The following ERC1 variants were observed in gnomAD, a reference collection of about 807,000 sequenced individuals.
ERC1 encodes RAB6 interacting protein 2.
ERC1 carries 56 observed loss-of-function variants against 132.0 expected under a neutral mutation model. The ratio of observed to expected loss-of-function variants is 0.42; its 90% CI spans 0.34 to 0.53. The LOEUF (loss-of-function observed/expected upper bound fraction) is 0.53. ERC1 is among the 20% of genes least tolerant of loss of function. The pLI, the probability that ERC1 is intolerant of heterozygous loss-of-function variation, is 0.03. For synonymous variants in ERC1, 478 were observed against 476.1 expected, an observed-to-expected ratio of 1.00 and a Z score of -0.05; for missense variants, 1,202 against 1,349.9, an observed-to-expected ratio of 0.89 and a Z score of 1.72.
chr12:1,185,746 T>TA (rs1022893446), intron 11 of ERC1, among the ~76,000 whole-genome samples: 12 of 151,148 alleles, frequency 7.9e-5, no homozygotes, highest in Admixed American at 6.6e-5. Context: ...TTTTTTTTTT[T>TA]AATTTATATT....
At chr12:1,480,518 T>C (rs961308347) in intron 18 of ERC1, among the ~76,000 whole-genome samples, 2 of 152,202 alleles carry the variant, frequency 1.3e-5, no homozygotes, top group African/African-American at 4.8e-5. Flanking sequence ...GAAAATCTCA[T>C]TGGATTACTC....
intron 1 of ERC1, among the ~76,000 whole-genome samples, chr12:1,020,234 A>G: frequency 6.6e-6 from 1 of 152,172 alleles, no homozygotes. Context: ...AGGCAGATGG[A>G]TCGCCTGATA....
At chr12:1,161,208 G>A (rs532520023) in intron 8 of ERC1, among the ~76,000 whole-genome samples, 20 of 152,102 alleles carry the variant, frequency 1.3e-4, no homozygotes, top group Admixed American at 3.9e-4. Context: ...GTTATGATAC[G>A]AATGGTATAC....
chr12:1,248,710 G>A (rs931378517), intron 13 of ERC1, among the ~76,000 whole-genome samples: 6 of 152,190 alleles, frequency 3.9e-5, no homozygotes, highest in African/African-American at 1.4e-4. Flanking sequence ...GATGATTGGA[G>A]TGGGACAAGA....
At chr12:1,227,138 T>C (rs2074642841) in intron 12 of ERC1, among the ~76,000 whole-genome samples, 1 of 152,192 alleles carries the variant, frequency 6.6e-6, no homozygotes, top group Non-Finnish European at 1.5e-5. Flanking sequence ...TTGTTTTTGA[T>C]GTGTAGCAGA....
At chr12:1,015,204 C>G (rs916090983) in intron 1 of ERC1, among the ~76,000 whole-genome samples, 3 of 151,888 alleles carry the variant, frequency 2.0e-5, no homozygotes, top group African/African-American at 4.8e-5. Flanking sequence ...GTACTACAGG[C>G]ACACACCACC....
chr12:1,473,996 AC>A (rs1349595582), intron 18 of ERC1, among the ~76,000 whole-genome samples: 1 of 152,326 alleles, frequency 6.6e-6, no homozygotes, highest in African/African-American at 2.4e-5. Flanking sequence ...AGATGCTCTT[AC>A]GGCAAAATAC....
At chr12:1,211,438 G>A (rs1957864264) in intron 12 of ERC1, among the ~76,000 whole-genome samples, 1 of 152,100 alleles carries the variant, frequency 6.6e-6, no homozygotes, top group African/African-American at 2.4e-5. Flanking sequence ...GTGAGCCACC[G>A]TGCCCGGCCT....
At chr12:1,294,257 CCTT>C (rs1323527270) in intron 15 of ERC1, among the ~76,000 whole-genome samples, 1 of 152,244 alleles carries the variant, frequency 6.6e-6, no homozygotes, top group Non-Finnish European at 1.5e-5. Flanking sequence ...TTGCCTTTCT[CCTT>C]CTTTAAATTT....
intron 17 of ERC1, among the ~76,000 whole-genome samples, chr12:1,434,672 G>A (rs2092901817): frequency 6.6e-6 from 1 of 152,240 alleles, no homozygotes; most frequent in South Asian, 2.1e-4. Flanking sequence ...GAGGGAAACA[G>A]AGCACGTGGG....
Position 1,190,511 on chromosome 12 carries a change from T to C in ERC1, c.2351+459T>C, listed in dbSNP as rs528462929. On this transcript the variant is annotated intron_variant, in intron 12 of 18. Coordinates refer to ENST00000360905, the MANE Select transcript of ERC1 (RefSeq NM_178040.4). ...CAGTTTTTATTGTTGAAAAGCACGC[T>C]GTTACTTCAGTGCATTAGATCAAAA... 9.2e-5 allele frequency among the ~76,000 whole-genome samples: 14 copies of C among 152,322 alleles called. No homozygotes were observed. In the East Asian group the frequency reaches 2.1e-3, roughly 23 times the overall value.
chr12:1,493,548 A>AAAAAAT lies in ERC1; in HGVS notation c.*3319_*3320insAAAATA, dbSNP rs56939346. 1.5e-4 allele frequency: 2 copies of AAAAAAT among 13,618 alleles called. No homozygotes were observed. The highest frequency in any genetic ancestry group is 4.4e-4 in the African/African-American group (2 of 4,554). 0.8% of individuals were successfully genotyped at this position (13,618 alleles called of 1,614,324 possible). A position where few individuals can be genotyped will look rare whatever the true frequency, so the allele number is the denominator to read the frequency against. ...ACTCCATTTAAAAAAAAAAAAAAAA[A>AAAAAAT]ATATATATATATATATATATATATA... On this transcript the variant is annotated 3_prime_UTR_variant, in exon 19 of 19. Coordinates refer to ENST00000360905, the MANE Select transcript of ERC1 (RefSeq NM_178040.4).
chr12:1,455,290 A>G (rs568473699), intron 18 of ERC1, among the ~76,000 whole-genome samples: 9 of 152,310 alleles, frequency 5.9e-5, no homozygotes, highest in Non-Finnish European at 4.4e-5. Context: ...TAGTCACCCT[A>G]TTGATCTGTG....
At chr12:1,269,568 T>A (rs917939133) in intron 14 of ERC1, among the ~76,000 whole-genome samples, 1 of 152,166 alleles carries the variant, frequency 6.6e-6, no homozygotes, top group Admixed American at 6.5e-5. Context: ...ATCTGATTGA[T>A]GTTTTTAAAA....
chr12:1,412,899 CTGT>C (rs1187462953), intron 17 of ERC1, among the ~76,000 whole-genome samples: 1 of 152,152 alleles, frequency 6.6e-6, no homozygotes, highest in Non-Finnish European at 1.5e-5. Context: ...ATGTTAGTTC[CTGT>C]TGTTACTAAC....
At chr12:1,482,369 C>CT (rs1438919958) in intron 18 of ERC1, among the ~76,000 whole-genome samples, 2 of 146,358 alleles carry the variant, frequency 1.4e-5, no homozygotes, top group African/African-American at 4.9e-5. Context: ...CATTTTATCT[C>CT]TACCTATTTG....
chr12:1,084,268 T>TTC (rs1021882606), intron 3 of ERC1, among the ~76,000 whole-genome samples: 131 of 152,346 alleles, frequency 8.6e-4, no homozygotes, highest in African/African-American at 3.1e-3. Flanking sequence ...ATAATAACTT[T>TTC]TCTATATATA....
chr12:1,259,770 G>A (rs572743870), intron 13 of ERC1, among the ~76,000 whole-genome samples: 1 of 152,094 alleles, frequency 6.6e-6, no homozygotes, highest in Non-Finnish European at 1.5e-5. Flanking sequence ...TGATCCACCC[G>A]CCTTGGCCTC....
intron 16 of ERC1, among the ~76,000 whole-genome samples, chr12:1,387,979 AT>A (rs2089554317): frequency 6.6e-6 from 1 of 152,224 alleles, no homozygotes; most frequent in African/African-American, 2.4e-5. Flanking sequence ...ATTTGTTGAT[AT>A]ATGCAAAGAA....
Sources: gnomAD v4.1 joint callset for allele counts (sites outside exome capture counted in the v4.1 genomes callset) on GRCh38, gnomAD v4.1.1 for gene constraint, MANE v1.5 for transcripts, NCBI Gene and HGNC (gene_info 2026-07-23, HGNC 2026-07-21) for gene names.